GGA2: variants seen among roughly 807,000 people sequenced by gnomAD.
The protein encoded by GGA2 is golgi associated, gamma adaptin ear containing, ARF binding protein 2, also known as ADP-ribosylation factor-binding protein GGA2.
GGA2 carries 48 observed loss-of-function variants against 79.5 expected under a neutral mutation model. That is an observed-to-expected ratio of 0.60 (90% CI 0.48 to 0.77). The LOEUF (loss-of-function observed/expected upper bound fraction) is 0.77, where lower values mean the gene tolerates loss of function less well. Ranked by LOEUF, GGA2 falls within the 30% of genes least tolerant of loss-of-function variation. GGA2 has a pLI of 0.00. For synonymous variants in GGA2, 317 were observed against 302.0 expected (o/e 1.05, Z -0.51); for missense variants, 770 against 774.0 (o/e 0.99, Z 0.06).
At chr16:23,487,475 A>G (rs1224198374) in intron 6 of GGA2, among the ~76,000 whole-genome samples, 1 of 152,072 alleles carries the variant, frequency 6.6e-6, no homozygotes, top group Non-Finnish European at 1.5e-5. Flanking sequence ...TCTGGCCCAA[A>G]AGGGGACTAG....
At chr16:23,512,700 CTTTTTTTTTTTTTT>C (rs34027000), upstream of GGA2, among the ~76,000 whole-genome samples, 10 of 55,932 alleles carry the variant, frequency 1.8e-4, no homozygotes, top group East Asian at 4.5e-3. Context: ...TAAAGAAAAT[CTTTTTTTTTTTTTT>C]TTTTTTTTTT....
At position 23,466,430 on chromosome 16, in the gene GGA2, T is replaced by C. The variant is rs1964438236; in HGVS notation, c.*1160A>G. 6.6e-6 allele frequency: 1 copy of C among 152,230 alleles called. No individual in the cohort carries two copies. Among genetic ancestry groups the C allele is most frequent in the Non-Finnish European group, 1.5e-5 (1 of 68,038 alleles). The allele number at this position is 152,230 out of a possible 1,614,324, so 9.4% of individuals were successfully genotyped here. ...CAAATATCCACCTCTCCTGTCCAGC[T>C]TGCCTCAGATCTTCAGGTTCTCTCT... On this transcript the variant is annotated 3_prime_UTR_variant, in exon 17 of 17. Coordinates refer to ENST00000309859, the MANE Select transcript of GGA2 (RefSeq NM_015044.4).
At chr16:23,480,152 G>C in intron 10 of GGA2, 1 of 440,792 alleles carries the variant, frequency 2.3e-6, no homozygotes, top group East Asian at 4.5e-5. Context: ...AAGCAGATTC[G>C]GCCTTCTCCA....
In GGA2 at chr16:23,465,520, T is replaced by A; in HGVS notation, c.*2070A>T. On this transcript the variant is annotated 3_prime_UTR_variant, in exon 17 of 17. Transcript: ENST00000309859. ...CATGTGTGAGTTCACCTCCTAACTATAGGGGAGAAAGCCTGTCTTTATGTA... is the reference window on the plus strand; with the variant it reads ...CATGTGTGAGTTCACCTCCTAACTAAAGGGGAGAAAGCCTGTCTTTATGTA... 1 of 665,352 alleles carries A rather than the reference T, an allele frequency of 1.5e-6. No individual in the cohort carries two copies. The highest frequency in any genetic ancestry group is 2.7e-6 in the Non-Finnish European group (1 of 366,432). The allele number at this position is 665,352 out of a possible 1,614,324, so 41.2% of individuals were successfully genotyped here. A position where few individuals can be genotyped will look rare whatever the true frequency, so the allele number is the denominator to read the frequency against.
chr16:23,497,646 C>T (rs1882194263), intron 1 of GGA2, among the ~76,000 whole-genome samples: 1 of 152,300 alleles, frequency 6.6e-6, no homozygotes, highest in Non-Finnish European at 1.5e-5. Flanking sequence ...TCCTATCTAC[C>T]CTTGAGTCCC....
At chr16:23,502,589 C>T (rs1964932356) in intron 1 of GGA2, among the ~76,000 whole-genome samples, 1 of 152,244 alleles carries the variant, frequency 6.6e-6, no homozygotes, top group South Asian at 2.1e-4. Flanking sequence ...TTTTCCAGTG[C>T]ACCTCAGTGG....
chr16:23,491,049 G>T (rs912511921), intron 5 of GGA2, among the ~76,000 whole-genome samples: 1 of 152,084 alleles, frequency 6.6e-6, no homozygotes, highest in Non-Finnish European at 1.5e-5. Context: ...CAAATATTTG[G>T]TGTAAGTGAG....
intron 11 of GGA2, among the ~76,000 whole-genome samples, chr16:23,479,506 T>G (rs574734342): frequency 6.7e-6 from 1 of 149,814 alleles, no homozygotes; most frequent in South Asian, 2.1e-4. Flanking sequence ...AGGGTCCAGC[T>G]CACTCCCCTA....
upstream of GGA2, among the ~76,000 whole-genome samples, chr16:23,514,889 G>A (rs554137828): frequency 1.1e-4 from 17 of 152,146 alleles, no homozygotes; most frequent in East Asian, 1.4e-3. Flanking sequence ...GCAGGGCCCC[G>A]CCACACAGTT....
At chr16:23,477,368 G>C (rs1274604988) in intron 13 of GGA2, among the ~76,000 whole-genome samples, 1 of 152,184 alleles carries the variant, frequency 6.6e-6, no homozygotes, top group East Asian at 1.9e-4. Context: ...TCTCACGGTA[G>C]TAAGTCTCAT....
At chr16:23,478,789 G>A (rs747786370) in intron 12 of GGA2, 94 bp downstream of exon 12, 40 of 891,546 alleles carry the variant, frequency 4.5e-5, no homozygotes, top group Non-Finnish European at 7.2e-5. Flanking sequence ...GACAGTGCAG[G>A]AGCACCTCTC....
chr16:23,482,004 C>T (rs371041635), intron 9 of GGA2, among the ~76,000 whole-genome samples: 14 of 152,176 alleles, frequency 9.2e-5, no homozygotes, highest in South Asian at 8.3e-4. Flanking sequence ...TCGTGGCTCA[C>T]GCCTGTAATC....
chr16:23,499,578 A>G (rs1964897230), intron 1 of GGA2, among the ~76,000 whole-genome samples: 2 of 152,206 alleles, frequency 1.3e-5, no homozygotes, highest in Admixed American at 1.3e-4. Flanking sequence ...AGCTTGTATC[A>G]TGAGGACTCA....
intron 1 of GGA2, among the ~76,000 whole-genome samples, chr16:23,509,760 G>GCACA (rs369898885): frequency 6.9e-6 from 1 of 145,884 alleles, no homozygotes; most frequent in Admixed American, 6.8e-5. Context: ...ATATATATAC[G>GCACA]CACACACACA....
At chr16:23,491,001 G>A (rs533090412) in intron 5 of GGA2, among the ~76,000 whole-genome samples, 97 of 152,196 alleles carry the variant, frequency 6.4e-4, no homozygotes, top group South Asian at 1.0e-3. Flanking sequence ...TGAGACCAGC[G>A]TGGGTAACAT....
Position 23,488,662 on chromosome 16 carries a change from G to A in GGA2, c.523C>T (p.Pro175Ser). The change falls in exon 6 of 17, where the codon CCA (proline) becomes TCA (serine). Residue 175 changes from proline to serine, a missense_variant. Coordinates refer to ENST00000309859, the MANE Select transcript of GGA2 (RefSeq NM_015044.4). ...GAGCTCTTGGGCCAGGGAGATGGTG[G>A]GGGTAAGATTTTATCCACTGGTAGT... is the stretch of plus-strand genomic sequence containing the variant. ...PKLPVDKILP[P>S]PSPWPKSSIF... is the part of the protein sequence containing the mutation. 9 of 1,611,276 alleles carry A rather than the reference G, an allele frequency of 5.6e-6. No individual in the cohort carries two copies. The highest frequency in any genetic ancestry group is 1.1e-5 in the South Asian group (1 of 90,980).
intron 1 of GGA2, among the ~76,000 whole-genome samples, chr16:23,500,057 T>C (rs555197825): frequency 6.6e-6 from 1 of 152,328 alleles, no homozygotes; most frequent in Non-Finnish European, 1.5e-5. Context: ...GCTCCCTCTG[T>C]GCTCTCTTCT....
intron 1 of GGA2, among the ~76,000 whole-genome samples, chr16:23,505,666 G>GT (rs1188583586): frequency 3.3e-5 from 5 of 152,018 alleles, no homozygotes; most frequent in African/African-American, 1.2e-4. Context: ...TTGGCTCTGG[G>GT]TTGGGTACTG....
chr16:23,475,422 T>C (rs1312528612), intron 13 of GGA2, among the ~76,000 whole-genome samples: 6 of 151,600 alleles, frequency 4.0e-5, no homozygotes, highest in Non-Finnish European at 7.4e-5. Flanking sequence ...ACTCTTGACC[T>C]CAGGTGATCC....
Sources: allele counts gnomAD v4.1 joint callset (sites outside exome capture counted in the v4.1 genomes callset), GRCh38; gene constraint gnomAD v4.1.1; transcripts MANE v1.5; gene names NCBI Gene and HGNC (gene_info 2026-07-23, HGNC 2026-07-21).